Variants in TBC1D9 observed in about 807,000 individuals in gnomAD.
TBC1D9 encodes the protein TBC1 domain family member 9, also known as TBC1 domain family member 9A.
TBC1D9 carries 63 observed loss-of-function variants against 132.0 expected under a neutral mutation model. The observed-to-expected ratio is 0.48, with a 90% CI of 0.39 to 0.59. The LOEUF is 0.59. TBC1D9 is among the 20% of genes least tolerant of loss of function. The pLI is 0.00. For missense variants in TBC1D9, 1,261 were observed against 1,592.7 expected (o/e 0.79, Z 3.54); for synonymous variants, 610 against 609.9 (o/e 1.00, Z 0.00).
chr4:140,678,128 G>A (rs1003272390), intron 5 of TBC1D9, among the ~76,000 whole-genome samples: 8 of 152,070 alleles, frequency 5.3e-5, no homozygotes, highest in African/African-American at 1.9e-4. Flanking sequence ...ATCCGCTGCA[G>A]TAGCAGCATC....
chr4:140,717,296 A>G (rs1183150763), intron 1 of TBC1D9, among the ~76,000 whole-genome samples: 16 of 152,182 alleles, frequency 1.1e-4, no homozygotes, highest in Admixed American at 9.8e-4. Context: ...GTCAGGAAAG[A>G]GAGAGGGAGA....
chr4:140,678,394 G>A (rs1194503072), intron 5 of TBC1D9, among the ~76,000 whole-genome samples: 5 of 152,118 alleles, frequency 3.3e-5, no homozygotes, highest in African/African-American at 4.8e-5. Flanking sequence ...GGCACATGGG[G>A]CATCAACTTT....
chr4:140,622,703 T>C lies in TBC1D9; in HGVS notation c.3293A>G (p.Lys1098Arg), dbSNP rs554069158. ...HQGIPGVLFP[K>R]KGPGQPYVVE... ...CACGTAAGGCTGGCCTGGCCCTTTC[T>C]TGGGGAAGAGCACGCCTGGGATGCC... is the stretch of plus-strand genomic sequence containing the variant. The change falls in exon 21 of 21, where the codon AAG (lysine) becomes AGG (arginine). Residue 1098 changes from lysine (K) to arginine (R), a missense_variant. Transcript: ENST00000442267. 3 of 1,611,610 alleles carry C rather than the reference T, an allele frequency of 1.9e-6. No homozygotes were observed. The highest frequency in any genetic ancestry group is 4.5e-5 in the East Asian group (2 of 44,870).
At chr4:140,694,570 C>CAAAAAAA (rs200877899) in intron 2 of TBC1D9, among the ~76,000 whole-genome samples, 1 of 100,350 alleles carries the variant, frequency 1.0e-5, no homozygotes, top group Admixed American at 9.8e-5. Flanking sequence ...GACCCTGTCT[C>CAAAAAAA]AAAAAAAAAA....
At chr4:140,644,504 G>T (rs1737068963) in intron 13 of TBC1D9, 2 of 293,734 alleles carry the variant, frequency 6.8e-6, no homozygotes, top group South Asian at 5.4e-5. Context: ...CCAGGCGGGG[G>T]GCTTTCGCAG....
At position 140,642,748 on chromosome 4, in the gene TBC1D9, C is replaced by G. The variant is rs1267015109; in HGVS notation, c.2338-3320G>C. Reference sequence around the variant, plus strand: ...GTCTCTTCCTTATTCCTGCTCCCAGCTCATAGTCATCTGATGTCGGCAGAG... The same window carrying G: ...GTCTCTTCCTTATTCCTGCTCCCAGGTCATAGTCATCTGATGTCGGCAGAG... On this transcript the variant is annotated intron_variant, in intron 13 of 20. Coordinates refer to ENST00000442267, the MANE Select transcript of TBC1D9 (RefSeq NM_015130.3). The G allele has an allele frequency of 1.4e-5, 9 of 650,080 alleles. No homozygotes were observed. In the East Asian group the frequency reaches 2.3e-4, roughly 17 times the overall value. 40.3% of individuals were successfully genotyped at this position (650,080 alleles called of 1,614,324 possible).
intron 9 of TBC1D9, among the ~76,000 whole-genome samples, chr4:140,668,274 G>T (rs1264463557): frequency 6.6e-6 from 1 of 152,198 alleles, no homozygotes; most frequent in Non-Finnish European, 1.5e-5. Flanking sequence ...AGGCACAAGA[G>T]CCAGGTCTGT....
At chr4:140,644,259 T>G in intron 13 of TBC1D9, 1 of 300,980 alleles carries the variant, frequency 3.3e-6, no homozygotes, top group Non-Finnish European at 6.6e-6. Context: ...GTCCTTCTTC[T>G]CGACCACGTT....
chr4:140,659,501 A>G, intron 11 of TBC1D9, 87 bp downstream of exon 11: 1 of 884,046 alleles, frequency 1.1e-6, no homozygotes, highest in East Asian at 2.7e-5. Flanking sequence ...GCTTATGGTG[A>G]CCAGAAATAG....
chr4:140,704,351 A>T (rs1315780735), intron 1 of TBC1D9, among the ~76,000 whole-genome samples: 1 of 151,398 alleles, frequency 6.6e-6, no homozygotes, highest in East Asian at 1.9e-4. Flanking sequence ...CAGTGAGCTG[A>T]GATCATGCCA....
At position 140,676,338 on chromosome 4, in the gene TBC1D9, G is replaced by A. The variant is rs150250977; in HGVS notation, c.1059+556C>T. On this transcript the variant is annotated intron_variant, in intron 6 of 20. Transcript: ENST00000442267. ...CACTCATCCCCTGATTGCTGGCCTC[G>A]TTAAGCTTGAATTGTAATAAAACCT... 5.7e-3 allele frequency among the ~76,000 whole-genome samples: 862 copies of A among 152,264 alleles called. 4 individuals carry two copies. The highest frequency in any genetic ancestry group is 7.4e-3 in the Non-Finnish European group (502 of 68,036).
In TBC1D9 at chr4:140,622,362, T is replaced by C. The variant is rs1168688020; in HGVS notation, c.3634A>G (p.Thr1212Ala). ...AGGGAGGCCAGGAACTGCTCGAAGG[T>C]GATGGCCCAGTCCCGGTCCAGGCTG... is the stretch of plus-strand genomic sequence containing the variant. ...STSLDRDWAI[T>A]FEQFLASLLT... Residue 1212 changes from threonine (T) to alanine (A), a missense_variant, in exon 21 of 21, where the codon ACC becomes GCC. Coordinates refer to ENST00000442267, the MANE Select transcript of TBC1D9 (RefSeq NM_015130.3). 1 of 1,613,250 alleles carries C rather than the reference T, an allele frequency of 6.2e-7. No individual in the cohort carries two copies. The highest frequency in any genetic ancestry group is 8.5e-7 in the Non-Finnish European group (1 of 1,179,414).
chr4:140,639,899 C>T lies in TBC1D9; in HGVS notation c.2338-471G>A, dbSNP rs149951347. Among the ~76,000 whole-genome samples the T allele has an allele frequency of 7.9e-3, 1,206 of 152,318 alleles. 14 individuals are homozygous for T. Among genetic ancestry groups the T allele is most frequent in the African/African-American group, 0.028 (1,150 of 41,558 alleles). On this transcript the variant is annotated intron_variant, in intron 13 of 20. Coordinates refer to ENST00000442267, the MANE Select transcript of TBC1D9 (RefSeq NM_015130.3). Reference sequence around the variant, plus strand: ...GCTATGTGTCTCCTGATGGCAGACACTGTGAGCTAGCCATCTCTTCAAGCT... The same window carrying T: ...GCTATGTGTCTCCTGATGGCAGACATTGTGAGCTAGCCATCTCTTCAAGCT...
At chr4:140,668,861 C>T (rs1737488596) in intron 9 of TBC1D9, 56 bp downstream of exon 9, 6 of 1,592,012 alleles carry the variant, frequency 3.8e-6, no homozygotes, top group Non-Finnish European at 5.1e-6. Flanking sequence ...ACAGGGAGGC[C>T]CTGGTGTGGA....
At chr4:140,694,202 G>A (rs1273498260) in intron 2 of TBC1D9, among the ~76,000 whole-genome samples, 2 of 152,070 alleles carry the variant, frequency 1.3e-5, no homozygotes, top group African/African-American at 2.4e-5. Flanking sequence ...AGTAATAGTA[G>A]GGGAAAAAAC....
intron 1 of TBC1D9, among the ~76,000 whole-genome samples, chr4:140,740,547 G>A (rs887120713): frequency 2.0e-5 from 3 of 152,168 alleles, no homozygotes; most frequent in Non-Finnish European, 4.4e-5. Flanking sequence ...TATGTAAAAT[G>A]CAGGTTCACT....
intron 1 of TBC1D9, among the ~76,000 whole-genome samples, chr4:140,754,229 G>A (rs1268645256): frequency 6.6e-6 from 1 of 152,146 alleles, no homozygotes; most frequent in African/African-American, 2.4e-5. Flanking sequence ...AATACTTAAT[G>A]CTTACAAGGT....
intron 13 of TBC1D9, chr4:140,643,589 G>T: frequency 1.1e-6 from 1 of 899,588 alleles, no homozygotes; most frequent in Non-Finnish European, 1.7e-6. Flanking sequence ...GGGCCGCCTG[G>T]GCCAGGCCTT....
intron 2 of TBC1D9, among the ~76,000 whole-genome samples, chr4:140,688,489 T>C (rs1278051404): frequency 6.6e-6 from 1 of 152,016 alleles, no homozygotes; most frequent in Admixed American, 6.6e-5. Flanking sequence ...AACATAGTGA[T>C]ACCCTCATCT....
Sources: allele counts gnomAD v4.1 joint callset (sites outside exome capture counted in the v4.1 genomes callset), GRCh38; gene constraint gnomAD v4.1.1; transcripts MANE v1.5; gene names NCBI Gene and HGNC (gene_info 2026-07-23, HGNC 2026-07-21).